Variants in MYO16 observed in about 807,000 individuals in gnomAD.
The protein encoded by MYO16 is unconventional myosin-XVI.
MYO16 carries 94 observed loss-of-function variants against 205.3 expected under a neutral mutation model. The ratio of observed to expected loss-of-function variants is 0.46; its 90% confidence interval spans 0.39 to 0.54. The LOEUF (loss-of-function observed/expected upper bound fraction) is 0.54. Among genes scored for constraint, MYO16 ranks in the 20% least tolerant of loss-of-function variants. The pLI, the probability that MYO16 is intolerant of heterozygous loss-of-function variation, is 0.00. For missense variants in MYO16, 2,315 were observed against 2,387.5 expected (o/e 0.97, Z 0.63); for synonymous variants, 988 against 954.0 (o/e 1.04, Z -0.66).
the MYO16 span, among the ~76,000 whole-genome samples, chr13:108,585,315 T>A: frequency 2.0e-5 from 3 of 152,198 alleles, no homozygotes; most frequent in Admixed American, 2.0e-4. Context: ...GCGAGACAAC[T>A]CAAAGAGGCA....
the MYO16 span, among the ~76,000 whole-genome samples, chr13:108,583,157 G>T: frequency 1.3e-4 from 20 of 152,022 alleles, no homozygotes; most frequent in Admixed American, 1.3e-3. Flanking sequence ...AGAATGATTA[G>T]CTTGTTTTCA....
intron 23 of MYO16, among the ~76,000 whole-genome samples, chr13:109,034,856 T>C (rs1213915567): frequency 2.6e-5 from 4 of 152,150 alleles, no homozygotes; most frequent in Non-Finnish European, 5.9e-5. Context: ...TGTTGATGGA[T>C]TATGCTAATC....
chr13:108,765,791 C>T lies in MYO16; in HGVS notation c.508-19844C>T, dbSNP rs185369904. On this transcript the variant is annotated intron_variant, in intron 4 of 34. Coordinates refer to ENST00000457511, the MANE Select transcript of MYO16 (RefSeq NM_001198950.3). ...TATTCCCTTTTGTTACCTTTTCTTTCTTACACATTTAGTTTTGTTATTTCG... is the reference window on the plus strand; with the variant it reads ...TATTCCCTTTTGTTACCTTTTCTTTTTTACACATTTAGTTTTGTTATTTCG... Among the ~76,000 whole-genome samples the T allele has an allele frequency of 3.9e-5, 6 of 152,238 alleles. No individual in the cohort carries two copies. In the East Asian group the frequency reaches 1.2e-3, roughly 29 times the overall value.
intron 20 of MYO16, among the ~76,000 whole-genome samples, chr13:108,972,189 G>T (rs1350214892): frequency 9.5e-6 from 1 of 105,048 alleles, no homozygotes; most frequent in Non-Finnish European, 1.9e-5. Context: ...CAGCCTGGAT[G>T]ACAGACTGAG....
rs550343655 is a variant in MYO16, at chr13:108,639,932, A to G, written c.28+10060A>G. ...CACTTAGGTTTGTGTGTGAACAGCT[A>G]TGTGTATGGTGTTACTAAGTTTCAG... On this transcript the variant is annotated intron_variant, in intron 1 of 34. Coordinates refer to ENST00000457511, the MANE Select transcript of MYO16 (RefSeq NM_001198950.3). 1.9e-3 allele frequency among the ~76,000 whole-genome samples: 297 copies of G among 152,326 alleles called. 8 individuals are homozygous for G. In the South Asian group the frequency reaches 0.06, roughly 31 times the overall value.
intron 7 of MYO16, among the ~76,000 whole-genome samples, chr13:108,809,763 T>C (rs979171813): frequency 2.0e-5 from 3 of 152,168 alleles, no homozygotes; most frequent in Admixed American, 6.5e-5. Flanking sequence ...TATCAGGCAT[T>C]ATGCCAGCTT....
intron 33 of MYO16, among the ~76,000 whole-genome samples, chr13:109,173,386 G>A (rs1364815875): frequency 2.6e-5 from 4 of 152,190 alleles, no homozygotes; most frequent in African/African-American, 9.7e-5. Flanking sequence ...AAAGAGATGA[G>A]TCTGGTGGGC....
chr13:108,739,149 T>C (rs929606588), intron 4 of MYO16, among the ~76,000 whole-genome samples: 2 of 152,312 alleles, frequency 1.3e-5, no homozygotes, highest in South Asian at 4.1e-4. Context: ...AAGGTTAATA[T>C]TGTTATGTGT....
At chr13:108,809,583 G>A (rs925102355) in intron 7 of MYO16, among the ~76,000 whole-genome samples, 3 of 152,140 alleles carry the variant, frequency 2.0e-5, no homozygotes, top group African/African-American at 7.2e-5. Flanking sequence ...GGCAGCAGAT[G>A]CCACACACTT....
At position 109,055,349 on chromosome 13, in the gene MYO16, T is replaced by C; in HGVS notation, c.3130-41T>C. The C allele has an allele frequency of 6.7e-7, 1 of 1,497,140 alleles. No homozygotes were observed. The highest frequency in any genetic ancestry group is 9.2e-7 in the Non-Finnish European group (1 of 1,090,236). 92.7% of individuals were successfully genotyped at this position (1,497,140 alleles called of 1,614,324 possible). ...AACTGCTTTATATTTTTAGCTAGTG[T>C]CTCCTTTGGAGAATCAGTTGGGTTC... On this transcript the variant is annotated intron_variant, in intron 26 of 34. Transcript: ENST00000457511. The surrounding 1 kb of genome is among the most constrained non-coding windows in gnomAD (Gnocchi z 5.0).
chr13:108,617,998 C>G (rs1247791375), intron 1 of MYO16, among the ~76,000 whole-genome samples: 1 of 152,148 alleles, frequency 6.6e-6, no homozygotes, highest in African/African-American at 2.4e-5. Context: ...CTCTCACTTC[C>G]CAATCCTGCC....
At chr13:108,994,636 G>C (rs1472528484) in intron 21 of MYO16, among the ~76,000 whole-genome samples, 3 of 152,116 alleles carry the variant, frequency 2.0e-5, no homozygotes, top group Non-Finnish European at 4.4e-5. Flanking sequence ...ATCAAACCTA[G>C]AAGAATATTA....
chr13:109,082,677 A>G (rs1459189984), intron 27 of MYO16, among the ~76,000 whole-genome samples: 3 of 152,176 alleles, frequency 2.0e-5, no homozygotes, highest in Non-Finnish European at 4.4e-5. Context: ...TCTACTAAAA[A>G]TATGAAAATT....
At chr13:108,536,263 A>G in the MYO16 span, among the ~76,000 whole-genome samples, 8 of 152,340 alleles carry the variant, frequency 5.3e-5, no homozygotes, top group South Asian at 1.4e-3. Context: ...CAGTAGTCAG[A>G]GAGCTACAGA....
rs757712927 is a variant in MYO16 at position 109,140,409 on chromosome 13, G to C, written c.4197G>C (p.Ala1399=). The change falls in exon 32 of 35, where the codon GCG becomes GCC. Residue 1399 remains alanine, a synonymous_variant. Coordinates refer to ENST00000457511, the MANE Select transcript of MYO16 (RefSeq NM_001198950.3). This position sits in a 1 kb window ranked among gnomAD's most constrained non-coding sequence, Gnocchi z 8.0. ...SGSRPGDARP[A]GAPGAAARVL... ...CCCGGCCCGGGGACGCGAGGCCCGCGGGCGCCCCGGGGGCAGCAGCGCGCG... is the reference window on the plus strand; with the variant it reads ...CCCGGCCCGGGGACGCGAGGCCCGCCGGCGCCCCGGGGGCAGCAGCGCGCG... 5.7e-6 allele frequency: 9 copies of C among 1,580,614 alleles called. No individual in the cohort carries two copies. The South Asian group carries it at 1.0e-4, about 18-fold the overall frequency.
At chr13:108,970,804 C>T (rs2139388166) in intron 20 of MYO16, among the ~76,000 whole-genome samples, 1 of 152,270 alleles carries the variant, frequency 6.6e-6, no homozygotes, top group Non-Finnish European at 1.5e-5. Flanking sequence ...ACCCTTCAGA[C>T]TCAGGTTCAC....
intron 4 of MYO16, among the ~76,000 whole-genome samples, chr13:108,747,746 G>A (rs1304670659): frequency 6.6e-6 from 1 of 152,056 alleles, no homozygotes; most frequent in Non-Finnish European, 1.5e-5. Flanking sequence ...CATTGGTACT[G>A]ATACATATAT....
intron 23 of MYO16, among the ~76,000 whole-genome samples, chr13:109,024,074 A>T (rs1293502238): frequency 6.8e-6 from 1 of 146,888 alleles, no homozygotes; most frequent in Non-Finnish European, 1.5e-5. Context: ...TTATTTAAAT[A>T]TAAATTTATA....
chr13:108,918,923 C>T (rs997707624), intron 16 of MYO16, among the ~76,000 whole-genome samples: 2 of 141,104 alleles, frequency 1.4e-5, no homozygotes, highest in Non-Finnish European at 1.5e-5. Flanking sequence ...GCCTGGGCAA[C>T]AAGAGCGAGA....
Sources: allele counts gnomAD v4.1 joint callset (sites outside exome capture counted in the v4.1 genomes callset), GRCh38; gene constraint gnomAD v4.1.1; non-coding constraint Gnocchi (gnomAD v3.1); transcripts MANE v1.5; gene names NCBI Gene and HGNC (gene_info 2026-07-23, HGNC 2026-07-21).